The following AASDH variants were observed in gnomAD, a reference collection of about 807,000 sequenced individuals.
AASDH encodes aminoadipate-semialdehyde dehydrogenase.
AASDH carries 81 observed loss-of-function variants against 102.3 expected under a neutral mutation model. That is an observed-to-expected ratio of 0.79 (90% CI 0.66 to 0.95). The LOEUF (loss-of-function observed/expected upper bound fraction) is 0.95. AASDH is among the 40% of genes least tolerant of loss of function. AASDH has a pLI of 0.00. For missense variants in AASDH, 1,203 were observed against 1,266.2 expected, an observed-to-expected ratio of 0.95 and a Z score of 0.76; for synonymous variants, 398 against 454.0, an observed-to-expected ratio of 0.88 and a Z score of 1.57.
rs140034998 is a variant in AASDH, at chr4:56,378,248, G to C, written c.568C>G (p.His190Asp). Residue 190 changes from histidine (H) to aspartate (D), a missense_variant, in exon 4 of 15, where the codon CAT becomes GAT. Coordinates refer to ENST00000205214, the MANE Select transcript of AASDH (RefSeq NM_181806.4). ...GTATGTAGAACATAGGCTAAGCAAT[G>C]CTTTAGCCTCAGATCCATGTGTTCT... is the stretch of plus-strand genomic sequence containing the variant. ...AEEHMDLRLK[H>D]CLAYVLHTSG... The C allele has an allele frequency of 4.5e-4, 732 of 1,613,790 alleles. 1 individual carries two copies. The highest frequency in any genetic ancestry group is 5.7e-4 in the Non-Finnish European group (670 of 1,179,678).
intron 1 of AASDH, among the ~76,000 whole-genome samples, chr4:56,385,859 T>G (rs1375474639): frequency 6.6e-6 from 1 of 152,220 alleles, no homozygotes; most frequent in African/African-American, 2.4e-5. Flanking sequence ...TCCACCTACC[T>G]TGGCCTCCCA....
At chr4:56,342,110 CAAAAA>C (rs113304959) in intron 14 of AASDH, among the ~76,000 whole-genome samples, 3 of 97,484 alleles carry the variant, frequency 3.1e-5, no homozygotes, top group African/African-American at 8.7e-5. Flanking sequence ...GATTCTGTCT[CAAAAA>C]AAAAAAAAAA....
rs764508545 is a variant in AASDH at position 56,353,605 on chromosome 4, G to C, written c.1384-9C>G. ...TGAAGCTCTTCAGCAACCTATAAGA[G>C]AGATTATCCTAATTTGCCAATGAGG... On this transcript the variant is annotated splice_polypyrimidine_tract_variant and intron_variant, in intron 8 of 14. Coordinates refer to ENST00000205214, the MANE Select transcript of AASDH (RefSeq NM_181806.4). The C allele has an allele frequency of 6.4e-7, 1 of 1,573,450 alleles. No homozygotes were observed.
At chr4:56,385,784 T>G (rs971955713) in intron 1 of AASDH, among the ~76,000 whole-genome samples, 5 of 152,064 alleles carry the variant, frequency 3.3e-5, no homozygotes, top group African/African-American at 1.2e-4. Context: ...TTGTTATTTT[T>G]TTTTAAGTAG....
chr4:56,344,498 AT>A (rs1254156350), intron 12 of AASDH, among the ~76,000 whole-genome samples: 1 of 151,798 alleles, frequency 6.6e-6, no homozygotes. Context: ...TGTCTTATTA[AT>A]TTGTATTTGA....
intron 14 of AASDH, among the ~76,000 whole-genome samples, chr4:56,341,001 AAAAG>A (rs1471070012): frequency 6.6e-6 from 1 of 152,210 alleles, no homozygotes; most frequent in African/African-American, 2.4e-5. Flanking sequence ...GGCTATTACT[AAAAG>A]AACATAACAA....
intron 2 of AASDH, among the ~76,000 whole-genome samples, chr4:56,382,925 C>T (rs563109515): frequency 2.2e-4 from 34 of 152,230 alleles, no homozygotes; most frequent in African/African-American, 7.7e-4. Context: ...CAAAATCAGC[C>T]GGGCGTCTGC....
chr4:56,366,637 A>T (rs552736216), intron 5 of AASDH, among the ~76,000 whole-genome samples: 2 of 151,964 alleles, frequency 1.3e-5, no homozygotes, highest in African/African-American at 4.8e-5. Context: ...TTATCTCAAT[A>T]GATGCAGAAA....
intron 5 of AASDH, among the ~76,000 whole-genome samples, chr4:56,363,279 T>G (rs1750551958): frequency 6.6e-6 from 1 of 152,246 alleles, no homozygotes; most frequent in African/African-American, 2.4e-5. Flanking sequence ...CCTGCCTCTG[T>G]AGGCTCCACC....
intron 5 of AASDH, among the ~76,000 whole-genome samples, chr4:56,369,920 A>C (rs1182230409): frequency 6.6e-6 from 1 of 150,692 alleles, no homozygotes; most frequent in Non-Finnish European, 1.5e-5. Flanking sequence ...AGGCTGGGCG[A>C]GAAGAGTGAG....
chr4:56,351,964 T>C (rs1749076109), intron 9 of AASDH, among the ~76,000 whole-genome samples: 1 of 151,662 alleles, frequency 6.6e-6, no homozygotes, highest in South Asian at 2.1e-4. Context: ...AGCTAATATT[T>C]ATCCAATTTA....
At chr4:56,378,018 C>G (rs1488705944) in intron 4 of AASDH, 130 bp downstream of exon 4, 1 of 851,738 alleles carries the variant, frequency 1.2e-6, no homozygotes, top group Non-Finnish European at 1.8e-6. Flanking sequence ...GTTGGCCAGG[C>G]TGATCTTGAA....
At chr4:56,338,881 A>G (rs1747254963) in intron 14 of AASDH, 90 bp from the exon 15 acceptor site, 1 of 1,285,192 alleles carries the variant, frequency 7.8e-7, no homozygotes, top group Non-Finnish European at 1.1e-6. Context: ...ATGCAAATCT[A>G]AGAGATATAG....
intron 4 of AASDH, among the ~76,000 whole-genome samples, chr4:56,373,381 G>C (rs1039704364): frequency 1.3e-5 from 2 of 152,072 alleles, no homozygotes; most frequent in African/African-American, 4.8e-5. Context: ...GACCTCAAAT[G>C]ATCCACCCAC....
chr4:56,364,084 T>C (rs1750681065), intron 5 of AASDH, among the ~76,000 whole-genome samples: 1 of 152,100 alleles, frequency 6.6e-6, no homozygotes, highest in Non-Finnish European at 1.5e-5. Flanking sequence ...CAAGCCTCAG[T>C]AGCCAATGGG....
intron 5 of AASDH, among the ~76,000 whole-genome samples, chr4:56,360,174 G>A (rs932962759): frequency 1.3e-5 from 2 of 152,070 alleles, no homozygotes; most frequent in African/African-American, 2.4e-5. Flanking sequence ...TTTTCTATGG[G>A]CCCTTTTCTG....
At position 56,338,733 on chromosome 4, in the gene AASDH, T is replaced by C. The variant is rs201690440; in HGVS notation, c.2966A>G (p.Glu989Gly). The C allele has an allele frequency of 4.3e-6, 7 of 1,614,184 alleles. No homozygotes were observed. The highest frequency in any genetic ancestry group is 5.1e-6 in the Non-Finnish European group (6 of 1,180,032). Residue 989 changes from glutamate (E) to glycine (G), a missense_variant, in exon 15 of 15, where the codon GAG becomes GGG. Transcript: ENST00000205214. ...IFSSPCTSPS[E>G]QKIFFGSHDC... ...ATGGGAACCAAAAAATATTTTTTGCTCTGATGGTGAGGTACACGGGGATGA... is the reference window on the plus strand; with the variant it reads ...ATGGGAACCAAAAAATATTTTTTGCCCTGATGGTGAGGTACACGGGGATGA...
chr4:56,374,052 A>G (rs1752047148), intron 4 of AASDH, among the ~76,000 whole-genome samples: 1 of 152,206 alleles, frequency 6.6e-6, no homozygotes, highest in Non-Finnish European at 1.5e-5. Context: ...AACCTAACTC[A>G]GAAACCAAGT....
At chr4:56,383,467 A>T (rs1578088417) in intron 2 of AASDH, among the ~76,000 whole-genome samples, 1 of 152,220 alleles carries the variant, frequency 6.6e-6, no homozygotes, top group Admixed American at 6.5e-5. Flanking sequence ...TAATTAATTT[A>T]CTAAGACACA....
Sources: gnomAD v4.1 joint callset for allele counts (sites outside exome capture counted in the v4.1 genomes callset) on GRCh38, gnomAD v4.1.1 for gene constraint, MANE v1.5 for transcripts, NCBI Gene and HGNC (gene_info 2026-07-23, HGNC 2026-07-21) for gene names.